Variants in DEFB131A observed in about 807,000 individuals in gnomAD.
DEFB131A encodes defensin beta 131A, also known as beta-defensin 131A.
DEFB131A carries 5 observed loss-of-function variants against 2.4 expected under a neutral mutation model. The ratio of observed to expected loss-of-function variants is 2.12; its 90% CI spans 1.11 to 4.47. DEFB131A has a LOEUF of 4.47. DEFB131A is among the 30% of genes most tolerant of loss of function. DEFB131A has a pLI of 0.00. For synonymous variants in DEFB131A, 34 were observed against 25.7 expected, an observed-to-expected ratio of 1.32 and a Z score of -0.97; for missense variants, 120 against 79.9, an observed-to-expected ratio of 1.50 and a Z score of -1.91.
chr4:9,447,114 G>A (rs60008087), intron 1 of DEFB131A, among the ~76,000 whole-genome samples: 5,627 of 151,964 alleles, frequency 0.037, 159 homozygotes, highest in African/African-American at 0.13. Flanking sequence ...TTGGTCTGCG[G>A]TACAGATTAA....
At chr4:9,447,603 G>C (rs370991941) in intron 1 of DEFB131A, among the ~76,000 whole-genome samples, 1 of 151,840 alleles carries the variant, frequency 6.6e-6, no homozygotes, top group South Asian at 2.1e-4. Flanking sequence ...TCCTCTTATG[G>C]CATTTTTTCT....
At chr4:9,448,857 G>A (rs1300353061) in intron 1 of DEFB131A, among the ~76,000 whole-genome samples, 5 of 152,174 alleles carry the variant, frequency 3.3e-5, no homozygotes, top group African/African-American at 1.2e-4. Context: ...GGCAAGAAAA[G>A]GAAATAAATG....
At chr4:9,450,320 A>G (rs1717622684) in intron 1 of DEFB131A, 40 bp from the exon 2 acceptor site, 2 of 1,451,828 alleles carry the variant, frequency 1.4e-6, no homozygotes, top group Non-Finnish European at 1.8e-6. Flanking sequence ...ATAAAAAGTA[A>G]GTAATATTGT....
At chr4:9,447,779 C>T (rs1234572646) in intron 1 of DEFB131A, among the ~76,000 whole-genome samples, 3 of 151,296 alleles carry the variant, frequency 2.0e-5, no homozygotes, top group African/African-American at 7.3e-5. Flanking sequence ...AAGATTGGGA[C>T]TTCAACATAC....
Position 9,444,545 on chromosome 4 carries a change from G to A in DEFB131A, c.12G>A (p.Leu4=), listed in dbSNP as rs1430290329. 2 of 1,611,572 alleles carry A rather than the reference G, an allele frequency of 1.2e-6. No individual in the cohort carries two copies. Among genetic ancestry groups the A allele is most frequent in the Non-Finnish European group, 8.5e-7 (1 of 1,179,630 alleles). The change falls in exon 1 of 2, where the codon TTG becomes TTA. Residue 4 remains leucine (L), a synonymous_variant. Transcript: ENST00000334879. ...TTACCTATTCAACCATGAGGGTCTT[G>A]TTTTTTGTCTTTGGAGTCCTTTCCT... MRV[L]FFVFGVLSLM...
At chr4:9,446,517 G>C (rs1382129750) in intron 1 of DEFB131A, among the ~76,000 whole-genome samples, 1 of 151,970 alleles carries the variant, frequency 6.6e-6, no homozygotes, top group Non-Finnish European at 1.5e-5. Context: ...AGTTTATAAA[G>C]TCTGTTTATC....
intron 1 of DEFB131A, among the ~76,000 whole-genome samples, chr4:9,446,924 GTTCTA>G (rs1164245975): frequency 9.2e-5 from 14 of 151,824 alleles, no homozygotes; most frequent in Non-Finnish European, 1.3e-4. Context: ...TTCATTTCTA[GTTCTA>G]TTCTATTTTT....
At chr4:9,446,181 A>G (rs1577079456) in intron 1 of DEFB131A, among the ~76,000 whole-genome samples, 1 of 152,104 alleles carries the variant, frequency 6.6e-6, no homozygotes, top group Admixed American at 6.6e-5. Context: ...AGAATCTTGA[A>G]ATAAATTTTA....
At chr4:9,450,287 T>C in intron 1 of DEFB131A, 73 bp from the exon 2 acceptor site, 1 of 1,336,818 alleles carries the variant, frequency 7.5e-7, no homozygotes, top group Non-Finnish European at 9.7e-7. Context: ...TAATTTATTA[T>C]AAAACATTTC....
chr4:9,444,530 A>G lies in DEFB131A; in HGVS notation c.-4A>G. 1 of 1,611,604 alleles carries G rather than the reference A, an allele frequency of 6.2e-7. No homozygotes were observed. The highest frequency in any genetic ancestry group is 8.5e-7 in the Non-Finnish European group (1 of 1,179,624). On this transcript the variant is annotated 5_prime_UTR_variant, in exon 1 of 2. Transcript: ENST00000334879. Reference sequence around the variant, plus strand: ...TCTCTCTAACCTGCTTTACCTATTCAACCATGAGGGTCTTGTTTTTTGTCT... The same window carrying G: ...TCTCTCTAACCTGCTTTACCTATTCGACCATGAGGGTCTTGTTTTTTGTCT...
chr4:9,448,462 C>T (rs1284155126), intron 1 of DEFB131A, among the ~76,000 whole-genome samples: 4 of 151,980 alleles, frequency 2.6e-5, no homozygotes, highest in African/African-American at 9.7e-5. Flanking sequence ...CAATCTCGTG[C>T]CTCAGCCAGC....
At position 9,450,408 on chromosome 4, in the gene DEFB131A, G is replaced by A. The variant is rs767019411; in HGVS notation, c.107G>A (p.Cys36Tyr). 1.9e-6 allele frequency: 3 copies of A among 1,604,372 alleles called. No homozygotes were observed. Among genetic ancestry groups the A allele is most frequent in the East Asian group, 2.2e-5 (1 of 44,688 alleles). The change falls in exon 2 of 2, where the codon TGC (cysteine) becomes TAC (tyrosine). Residue 36 changes from cysteine (C) to tyrosine (Y), a missense_variant. Coordinates refer to ENST00000334879, the MANE Select transcript of DEFB131A (RefSeq NM_001040448.3). ...NDECPSEYYH[C>Y]RLKCNADEHA... Reference sequence around the variant, plus strand: ...GAATGTCCTTCAGAATATTATCATTGCAGACTGAAGTGCAATGCTGATGAA... The same window carrying A: ...GAATGTCCTTCAGAATATTATCATTACAGACTGAAGTGCAATGCTGATGAA...
intron 1 of DEFB131A, 37 bp downstream of exon 1, chr4:9,444,628 A>T (rs774281354): frequency 1.3e-6 from 2 of 1,592,044 alleles, no homozygotes; most frequent in South Asian, 2.3e-5. Context: ...AGTTCTAAAA[A>T]TATAAGTAAA....
chr4:9,446,661 G>C (rs1449211672), intron 1 of DEFB131A, among the ~76,000 whole-genome samples: 1 of 151,432 alleles, frequency 6.6e-6, no homozygotes, highest in African/African-American at 2.4e-5. Context: ...TGTTTTTCTT[G>C]TTCCTTGAGG....
chr4:9,450,664 C>G lies in DEFB131A; in HGVS notation c.*150C>G. 1 of 1,229,418 alleles carries G rather than the reference C, an allele frequency of 8.1e-7. No individual in the cohort carries two copies. The highest frequency in any genetic ancestry group is 1.1e-6 in the Non-Finnish European group (1 of 888,360). 76.2% of individuals were successfully genotyped at this position (1,229,418 alleles called of 1,614,324 possible). A position where few individuals can be genotyped will look rare whatever the true frequency, so the allele number is the denominator to read the frequency against. On this transcript the variant is annotated 3_prime_UTR_variant, in exon 2 of 2. Coordinates refer to ENST00000334879, the MANE Select transcript of DEFB131A (RefSeq NM_001040448.3). ...ATGAATATAAATTTTATAAATGCTT[C>G]CACTCTATTTTCATTTGTGCATTTT...
At chr4:9,449,425 C>G (rs13119693) in intron 1 of DEFB131A, among the ~76,000 whole-genome samples, 1 of 132,120 alleles carries the variant, frequency 7.6e-6, no homozygotes, top group Admixed American at 8.4e-5. Flanking sequence ...AACAAACATG[C>G]GAAGAATATA....
intron 1 of DEFB131A, 21 bp from the exon 2 acceptor site, chr4:9,450,339 A>G (rs199519369): frequency 1.6e-4 from 252 of 1,527,432 alleles, no homozygotes; most frequent in Non-Finnish European, 2.1e-4. Context: ...GTGTCATATA[A>G]TTTGTCTTCT....
chr4:9,448,591 C>T (rs541745306), intron 1 of DEFB131A, among the ~76,000 whole-genome samples: 93 of 152,212 alleles, frequency 6.1e-4, no homozygotes, highest in African/African-American at 2.2e-3. Context: ...CCCAAAGTAC[C>T]AGGATTAAAG....
At chr4:9,444,902 T>G in intron 1 of DEFB131A, among the ~76,000 whole-genome samples, 1 of 66,862 alleles carries the variant, frequency 1.5e-5, no homozygotes. Context: ...TGAAACCCCA[T>G]CTCTCCAAAA....
Sources: gnomAD v4.1 joint callset for allele counts (sites outside exome capture counted in the v4.1 genomes callset) on GRCh38, gnomAD v4.1.1 for gene constraint, MANE v1.5 for transcripts, NCBI Gene and HGNC (gene_info 2026-07-23, HGNC 2026-07-21) for gene names.